Variants in FBN2 observed in about 807,000 individuals in gnomAD.
The protein encoded by FBN2 is fibrillin 2.
FBN2 carries 105 observed loss-of-function variants against 355.6 expected under a neutral mutation model. The ratio of observed to expected loss-of-function variants is 0.30; its 90% CI spans 0.25 to 0.35. The LOEUF is 0.35. Among genes scored for constraint, FBN2 ranks in the 10% least tolerant of loss-of-function variants. The pLI, the probability that FBN2 is intolerant of heterozygous loss-of-function variation, is 1.00. For synonymous variants in FBN2, 1,350 were observed against 1,301.2 expected, an observed-to-expected ratio of 1.04 and a Z score of -0.81; for missense variants, 3,280 against 3,758.7, an observed-to-expected ratio of 0.87 and a Z score of 3.33.
intron 62 of FBN2, among the ~76,000 whole-genome samples, chr5:128,265,657 G>A (rs926192311): frequency 6.6e-6 from 1 of 152,080 alleles, no homozygotes; most frequent in Non-Finnish European, 1.5e-5. Flanking sequence ...TTGAATAATT[G>A]TATTTGAATA....
rs1381446042 is a variant in FBN2 at position 128,377,817 on chromosome 5, T to A, written c.1784A>T (p.Asp595Val). ...ATTGCAAATGCACTGGAAACTTCCA[T>A]CTGTGTTCACGCATCGACCGTTTTT... ...LCKNGRCVNT[D>V]GSFQCICNAG... is the part of the protein sequence containing the mutation. Residue 595 changes from aspartate to valine, a missense_variant, in exon 13 of 65, where the codon GAT becomes GTT. Physicochemically the swap from Asp to Val is radical, Grantham distance 152. Around this residue, in one of 6 missense-constraint regions of FBN2, gnomAD observed 2,284 missense variants for 2,749.5 expected, o/e 0.83. Coordinates refer to ENST00000262464, the MANE Select transcript of FBN2 (RefSeq NM_001999.4). 1.2e-6 allele frequency: 2 copies of A among 1,613,636 alleles called. No individual in the cohort carries two copies. Among genetic ancestry groups the A allele is most frequent in the Non-Finnish European group, 1.7e-6 (2 of 1,179,636 alleles).
rs180693007 is a variant in FBN2, at chr5:128,418,778, C to G, written c.953-9979G>C. Among the ~76,000 whole-genome samples, 14 of 152,130 alleles carry G rather than the reference C, an allele frequency of 9.2e-5. No individual in the cohort carries two copies. The East Asian group carries it at 2.5e-3, about 27-fold the overall frequency. On this transcript the variant is annotated intron_variant, in intron 7 of 64. Transcript: ENST00000262464. Reference sequence around the variant, plus strand: ...AATTTGTTGAGACTTGTTCTGTGACCTAACATATGGTCTCTATCCTGGAGA... The same window carrying G: ...AATTTGTTGAGACTTGTTCTGTGACGTAACATATGGTCTCTATCCTGGAGA...
At chr5:128,393,789 T>C (rs569438725) in intron 9 of FBN2, among the ~76,000 whole-genome samples, 1 of 152,346 alleles carries the variant, frequency 6.6e-6, no homozygotes, top group African/African-American at 2.4e-5. Context: ...CTGTCCATTT[T>C]TTTTCAGGAG....
intron 56 of FBN2, 85 bp from the exon 57 acceptor site, chr5:128,278,926 A>G: frequency 1.8e-6 from 2 of 1,097,886 alleles, no homozygotes; most frequent in Non-Finnish European, 2.7e-6. Flanking sequence ...GCAGTCAAGA[A>G]TTTCCTCCTT....
chr5:128,446,408 A>G, intron 7 of FBN2, 73 bp downstream of exon 7: 1 of 1,522,164 alleles, frequency 6.6e-7, no homozygotes, highest in Non-Finnish European at 9.1e-7. Context: ...AGTCTTCAAA[A>G]TTTCAAATGA....
chr5:128,281,473 T>C (rs1765543376), intron 55 of FBN2, among the ~76,000 whole-genome samples: 1 of 152,200 alleles, frequency 6.6e-6, no homozygotes, highest in African/African-American at 2.4e-5. Flanking sequence ...GTAAGCACCT[T>C]TGCATAAATT....
intron 7 of FBN2, among the ~76,000 whole-genome samples, chr5:128,413,473 C>T (rs747896057): frequency 3.0e-4 from 45 of 152,250 alleles, no homozygotes; most frequent in Middle Eastern, 3.4e-3. Context: ...GGGAAGTCTT[C>T]AGTAATGTGA....
chr5:128,364,743 A>C lies in FBN2; in HGVS notation c.2303-18T>G, dbSNP rs1751723743. 1.2e-6 allele frequency: 2 copies of C among 1,602,624 alleles called. No individual in the cohort carries two copies. Among genetic ancestry groups the C allele is most frequent in the Non-Finnish European group, 1.7e-6 (2 of 1,169,942 alleles). ...ATTGATATCTGCATTAAATATTGAA[A>C]GTTTAGTGCTATCAACAAACATGTT... On this transcript the variant is annotated intron_variant, in intron 17 of 64. Coordinates refer to ENST00000262464, the MANE Select transcript of FBN2 (RefSeq NM_001999.4).
In FBN2 at chr5:128,535,922, G is replaced by A. The variant is rs554383834; in HGVS notation, c.337+480C>T. Among the ~76,000 whole-genome samples the A allele has an allele frequency of 3.3e-5, 5 of 152,092 alleles. No individual in the cohort carries two copies. In the South Asian group the frequency reaches 6.2e-4, roughly 19 times the overall value. On this transcript the variant is annotated intron_variant, in intron 2 of 64. Coordinates refer to ENST00000262464, the MANE Select transcript of FBN2 (RefSeq NM_001999.4). ...GCGAGAATGCTCCTTTCGTATCTAG[G>A]TTATGTGGTTGTTGATATAAAACCA... is the stretch of plus-strand genomic sequence containing the variant.
At chr5:128,367,127 T>C (rs1318876790) in intron 16 of FBN2, among the ~76,000 whole-genome samples, 1 of 152,196 alleles carries the variant, frequency 6.6e-6, no homozygotes, top group Non-Finnish European at 1.5e-5. Flanking sequence ...ATAAATAATA[T>C]GAAGTTTAAT....
intron 6 of FBN2, among the ~76,000 whole-genome samples, chr5:128,452,600 A>C (rs1219435772): frequency 1.3e-5 from 2 of 152,232 alleles, no homozygotes; most frequent in African/African-American, 4.8e-5. Context: ...TGGTTCATTT[A>C]ATTTATATGT....
intron 25 of FBN2, among the ~76,000 whole-genome samples, chr5:128,343,170 A>G (rs1005927768): frequency 6.6e-6 from 1 of 152,178 alleles, no homozygotes; most frequent in African/African-American, 2.4e-5. Flanking sequence ...GAGGTTTAGA[A>G]GCAGTGCTGA....
chr5:128,374,064 T>G (rs190908289), intron 15 of FBN2, among the ~76,000 whole-genome samples: 21 of 152,272 alleles, frequency 1.4e-4, no homozygotes, highest in Non-Finnish European at 1.9e-4. Flanking sequence ...TGAAATGCAC[T>G]GTGTTTAGGA....
chr5:128,501,296 C>T (rs1052941632), intron 5 of FBN2, among the ~76,000 whole-genome samples: 3 of 152,154 alleles, frequency 2.0e-5, no homozygotes, highest in Non-Finnish European at 4.4e-5. Flanking sequence ...TTCATCACTG[C>T]TGCCCAAATC....
intron 4 of FBN2, among the ~76,000 whole-genome samples, chr5:128,520,046 G>GC (rs1756390268): frequency 1.3e-5 from 2 of 152,152 alleles, no homozygotes. Context: ...AGCATAATAT[G>GC]TTTTTTCATA....
chr5:128,293,275 T>A (rs1465918546), intron 48 of FBN2, among the ~76,000 whole-genome samples: 1 of 152,146 alleles, frequency 6.6e-6, no homozygotes, highest in Non-Finnish European at 1.5e-5. Context: ...GTGGATCACT[T>A]GAGGTCAGGA....
Position 128,479,930 on chromosome 5 carries a change from G to GTCTCTCTC in FBN2, c.629-15017_629-15010dup, listed in dbSNP as rs1180726296. On this transcript the variant is annotated intron_variant, in intron 5 of 64. Coordinates refer to ENST00000262464, the MANE Select transcript of FBN2 (RefSeq NM_001999.4). ...CAACAGAACAAGACCTTGTCTCCTT[G>GTCTCTCTC]TCTCTCTCTCTCTCTCTCTCTCTCT... Among the ~76,000 whole-genome samples the GTCTCTCTC allele has an allele frequency of 3.6e-4, 21 of 58,150 alleles. 2 individuals are homozygous for GTCTCTCTC. Among genetic ancestry groups the GTCTCTCTC allele is most frequent in the East Asian group, 2.6e-3 (3 of 1,144 alleles). 38.1% of individuals were successfully genotyped at this position (58,150 alleles called of 152,430 possible). A position where few individuals can be genotyped will look rare whatever the true frequency, so the allele number is the denominator to read the frequency against.
At position 128,304,899 on chromosome 5, in the gene FBN2, T is replaced by C. The variant is rs1749824272; in HGVS notation, c.5800+58A>G. The C allele has an allele frequency of 3.0e-5, 48 of 1,609,618 alleles. 1 individual carries two copies. The South Asian group carries it at 4.7e-4, about 16-fold the overall frequency. ...TTACTCATGGCACTTGATGGAACTG[T>C]GATCTGTTCTGGAACCCCAGCCCCA... On this transcript the variant is annotated intron_variant, in intron 45 of 64. Transcript: ENST00000262464.
At chr5:128,470,569 G>A (rs1196430835) in intron 5 of FBN2, among the ~76,000 whole-genome samples, 2 of 152,152 alleles carry the variant, frequency 1.3e-5, no homozygotes, top group Admixed American at 6.5e-5. Flanking sequence ...GAAAAAAACA[G>A]AATGGCAAGG....
Sources: gnomAD v4.1 joint callset for allele counts (sites outside exome capture counted in the v4.1 genomes callset) on GRCh38, gnomAD v4.1.1 for gene constraint, gnomAD v4.1.1 regional missense constraint, MANE v1.5 for transcripts, NCBI Gene and HGNC (gene_info 2026-07-23, HGNC 2026-07-21) for gene names.